PTPRG: variants seen among roughly 807,000 people sequenced by gnomAD.
PTPRG encodes receptor-type tyrosine-protein phosphatase gamma.
In PTPRG, 102 loss-of-function variants were observed where a neutral mutation model predicts 165.3. That is an observed-to-expected ratio of 0.62 (90% CI 0.53 to 0.73). The LOEUF (loss-of-function observed/expected upper bound fraction) is 0.73, where lower values mean the gene tolerates loss of function less well. Among genes scored for constraint, PTPRG ranks in the 30% least tolerant of loss-of-function variants. PTPRG has a pLI of 0.00. For synonymous variants in PTPRG, 675 were observed against 669.5 expected (o/e 1.01, Z -0.13); for missense variants, 1,866 against 1,861.4 (o/e 1.00, Z -0.05).
Position 62,231,273 on chromosome 3 carries a change from A to G in PTPRG, c.2337A>G (p.Glu779=). ...AGGGCTTTCCCAGACGTTTCCGTGA[A>G]GTGCCTTCTTCTGGGGAGAGAGGAG... ...KSKGFPRRFR[E]VPSSGERGEK... Residue 779 remains glutamate (E), a synonymous_variant, in exon 14 of 30, where the codon GAA becomes GAG. Coordinates refer to ENST00000474889, the MANE Select transcript of PTPRG (RefSeq NM_002841.4). The G allele has an allele frequency of 6.3e-7, 1 of 1,597,234 alleles. No homozygotes were observed. Among genetic ancestry groups the G allele is most frequent in the Non-Finnish European group, 8.5e-7 (1 of 1,171,568 alleles).
chr3:62,102,188 A>G (rs1702311297), intron 5 of PTPRG, among the ~76,000 whole-genome samples: 2 of 152,122 alleles, frequency 1.3e-5, no homozygotes, highest in South Asian at 4.1e-4. Flanking sequence ...TGCCTGGTCT[A>G]GAGCTTAGCA....
At chr3:61,666,212 C>T (rs769003285) in intron 1 of PTPRG, among the ~76,000 whole-genome samples, 35 of 152,042 alleles carry the variant, frequency 2.3e-4, no homozygotes, top group Non-Finnish European at 4.0e-4. Context: ...AGATCAAGGG[C>T]GCCGCAGCAG....
intron 2 of PTPRG, among the ~76,000 whole-genome samples, chr3:61,753,838 G>A (rs183863149): frequency 5.1e-4 from 77 of 151,968 alleles, no homozygotes; most frequent in African/African-American, 1.8e-3. Flanking sequence ...TCAGGTGATC[G>A]GCCTGTCTCG....
chr3:61,916,798 G>C (rs913192336), intron 2 of PTPRG, among the ~76,000 whole-genome samples: 2 of 152,152 alleles, frequency 1.3e-5, no homozygotes, highest in Non-Finnish European at 2.9e-5. Context: ...TAAATAATTT[G>C]TCTTGGGTTA....
intron 14 of PTPRG, among the ~76,000 whole-genome samples, chr3:62,231,981 CCTGT>C (rs1247647777): frequency 6.6e-6 from 1 of 152,018 alleles, no homozygotes; most frequent in Admixed American, 6.6e-5. Flanking sequence ...TTCTGTAAGG[CCTGT>C]CTTAGGCAAA....
chr3:62,085,419 A>C (rs909783099), intron 5 of PTPRG, among the ~76,000 whole-genome samples: 1 of 152,176 alleles, frequency 6.6e-6, no homozygotes, highest in Non-Finnish European at 1.5e-5. Flanking sequence ...TCCATTCTAT[A>C]GTGCGTTCAG....
intron 4 of PTPRG, among the ~76,000 whole-genome samples, chr3:62,054,222 A>G (rs1345103725): frequency 6.6e-6 from 1 of 152,230 alleles, no homozygotes; most frequent in East Asian, 1.9e-4. Context: ...TAACATTTCT[A>G]TAGCTCCAAT....
At chr3:62,178,526 T>C (rs1171184023) in intron 8 of PTPRG, among the ~76,000 whole-genome samples, 2 of 152,176 alleles carry the variant, frequency 1.3e-5, no homozygotes, top group Non-Finnish European at 2.9e-5. Context: ...CCACCTTGGA[T>C]GGAAGCGTAC....
At chr3:62,048,023 G>A (rs1340035314) in intron 4 of PTPRG, among the ~76,000 whole-genome samples, 1 of 152,002 alleles carries the variant, frequency 6.6e-6, no homozygotes, top group Non-Finnish European at 1.5e-5. Flanking sequence ...ATTTCATATT[G>A]GGAAGCTAAA....
intron 16 of PTPRG, among the ~76,000 whole-genome samples, chr3:62,261,460 C>A (rs1298966096): frequency 3.3e-5 from 5 of 152,152 alleles, no homozygotes; most frequent in Non-Finnish European, 5.9e-5. Flanking sequence ...CTCCTTAAAC[C>A]AGTGTTTTCC....
intron 2 of PTPRG, among the ~76,000 whole-genome samples, chr3:61,814,279 G>A (rs1414515663): frequency 6.6e-6 from 1 of 152,096 alleles, no homozygotes; most frequent in East Asian, 1.9e-4. Flanking sequence ...CTAACAAGCG[G>A]GTGAGCAGGA....
At chr3:61,859,611 GTT>G (rs63081460) in intron 2 of PTPRG, among the ~76,000 whole-genome samples, 12 of 146,044 alleles carry the variant, frequency 8.2e-5, no homozygotes, top group East Asian at 2.0e-4. Flanking sequence ...ATAGTCCATA[GTT>G]TTTTTTTTTT....
At chr3:61,915,733 T>C (rs1180282439) in intron 2 of PTPRG, among the ~76,000 whole-genome samples, 2 of 152,226 alleles carry the variant, frequency 1.3e-5, no homozygotes, top group Non-Finnish European at 2.9e-5. Flanking sequence ...AGATGCTCTA[T>C]GTAAATGGAA....
intron 1 of PTPRG, among the ~76,000 whole-genome samples, chr3:61,731,000 T>C (rs1018233383): frequency 7.4e-4 from 112 of 152,214 alleles, no homozygotes; most frequent in Admixed American, 7.3e-3. Flanking sequence ...TTTAACTCAG[T>C]TCCCTCTGAA....
chr3:61,961,740 AAAT>A, intron 2 of PTPRG, among the ~76,000 whole-genome samples: 1 of 152,258 alleles, frequency 6.6e-6, no homozygotes, highest in South Asian at 2.1e-4. Flanking sequence ...TGTCATTCTC[AAAT>A]TGTGGTCCCT....
chr3:61,588,961 C>T (rs1002772951), intron 1 of PTPRG, among the ~76,000 whole-genome samples: 1 of 152,162 alleles, frequency 6.6e-6, no homozygotes, highest in African/African-American at 2.4e-5. Flanking sequence ...TTATTGATCT[C>T]TCCATAGCTT....
chr3:61,820,603 GTTTTTTT>G lies in PTPRG; in HGVS notation c.190+71641_190+71647del, dbSNP rs11329820. On this transcript the variant is annotated intron_variant, in intron 2 of 29. Coordinates refer to ENST00000474889, the MANE Select transcript of PTPRG (RefSeq NM_002841.4). ...TTTAATTTCTTGTTCCTGTGTCTCTGTTTTTTTTTTTTTTTTTTTTTTTTTTACTGTG... is the reference window on the plus strand; with the variant it reads ...TTTAATTTCTTGTTCCTGTGTCTCTGTTTTTTTTTTTTTTTTTTTACTGTG... Among the ~76,000 whole-genome samples, 116 of 65,730 alleles carry G rather than the reference GTTTTTTT, an allele frequency of 1.8e-3. 1 individual carries two copies. In the East Asian group the frequency reaches 0.03, roughly 17 times the overall value. 43.1% of individuals were successfully genotyped at this position (65,730 alleles called of 152,430 possible).
At chr3:61,587,928 G>A (rs1204993948) in intron 1 of PTPRG, among the ~76,000 whole-genome samples, 10 of 150,884 alleles carry the variant, frequency 6.6e-5, no homozygotes, top group Non-Finnish European at 1.5e-4. Flanking sequence ...CAAAGTGTTG[G>A]AATTCCAGGC....
intron 12 of PTPRG, among the ~76,000 whole-genome samples, chr3:62,212,395 C>A (rs1700379762): frequency 6.6e-6 from 1 of 152,146 alleles, no homozygotes; most frequent in Admixed American, 6.5e-5. Flanking sequence ...AAAATAAAAT[C>A]TCTTCAAAAA....
Sources: allele counts gnomAD v4.1 joint callset (sites outside exome capture counted in the v4.1 genomes callset), GRCh38; gene constraint gnomAD v4.1.1; transcripts MANE v1.5; gene names NCBI Gene and HGNC (gene_info 2026-07-23, HGNC 2026-07-21).